The following THRB variants were observed in gnomAD, a reference collection of about 807,000 sequenced individuals.
THRB encodes nuclear receptor subfamily 1 group A member 2.
A neutral mutation model predicts 47.8 loss-of-function variants in THRB; 12 were observed. That is an observed-to-expected ratio of 0.25 (90% CI 0.16 to 0.41). The LOEUF is 0.41. THRB is among the 10% of genes least tolerant of loss of function. THRB has a pLI of 1.00. For synonymous variants in THRB, 218 were observed against 212.2 expected (o/e 1.03, Z -0.24); for missense variants, 348 against 589.2 (o/e 0.59, Z 4.24).
intron 3 of THRB, among the ~76,000 whole-genome samples, chr3:24,235,270 T>C (rs1338655680): frequency 1.3e-5 from 2 of 152,180 alleles, no homozygotes; most frequent in African/African-American, 4.8e-5. Context: ...CACACACCTT[T>C]GTCCCCTTGT....
At chr3:24,157,808 G>A (rs1031428019) in intron 5 of THRB, among the ~76,000 whole-genome samples, 10 of 152,304 alleles carry the variant, frequency 6.6e-5, no homozygotes, top group Non-Finnish European at 1.0e-4. Flanking sequence ...TGGGACTACA[G>A]GCATGAGCCA....
At chr3:24,428,343 A>G (rs1560162541) in intron 1 of THRB, among the ~76,000 whole-genome samples, 1 of 151,978 alleles carries the variant, frequency 6.6e-6, no homozygotes, top group Non-Finnish European at 1.5e-5. Context: ...CATCCTACAG[A>G]GATTGGCTAA....
intron 1 of THRB, among the ~76,000 whole-genome samples, chr3:24,463,413 C>T (rs1042277462): frequency 4.3e-4 from 65 of 152,130 alleles, no homozygotes; most frequent in South Asian, 2.1e-3. Context: ...GGCACATGTG[C>T]GGCTAATTTT....
At chr3:24,405,270 C>T (rs1458294812) in intron 1 of THRB, among the ~76,000 whole-genome samples, 1 of 151,950 alleles carries the variant, frequency 6.6e-6, no homozygotes, top group Non-Finnish European at 1.5e-5. Context: ...ACGCTATATT[C>T]TGTGGGCCAA....
At chr3:24,251,278 A>G (rs1179989920) in intron 3 of THRB, among the ~76,000 whole-genome samples, 1 of 152,130 alleles carries the variant, frequency 6.6e-6, no homozygotes, top group Non-Finnish European at 1.5e-5. Flanking sequence ...TGAGTTAAGC[A>G]TTTGTAGAAA....
chr3:24,184,053 C>A (rs889829629), intron 5 of THRB, among the ~76,000 whole-genome samples: 3 of 152,072 alleles, frequency 2.0e-5, no homozygotes, highest in African/African-American at 7.2e-5. Context: ...TTTTTCTGTG[C>A]ACATTTGTAA....
chr3:24,225,104 G>GAA (rs1559656087), intron 4 of THRB, among the ~76,000 whole-genome samples: 1 of 152,184 alleles, frequency 6.6e-6, no homozygotes, highest in Non-Finnish European at 1.5e-5. Flanking sequence ...GCAGAAATGC[G>GAA]AGTGGTGAAT....
intron 1 of THRB, among the ~76,000 whole-genome samples, chr3:24,370,623 C>T (rs561937944): frequency 6.6e-6 from 1 of 152,242 alleles, no homozygotes; most frequent in Non-Finnish European, 1.5e-5. Context: ...GTGACCCTCA[C>T]TAGTCTGGGG....
chr3:24,224,144 C>T (rs188959056), intron 4 of THRB, among the ~76,000 whole-genome samples: 14 of 152,092 alleles, frequency 9.2e-5, no homozygotes, highest in Admixed American at 2.0e-4. Flanking sequence ...TCCCTTTGAC[C>T]CATCATTTCC....
chr3:24,174,767 T>C (rs909176485), intron 5 of THRB, among the ~76,000 whole-genome samples: 1 of 152,178 alleles, frequency 6.6e-6, no homozygotes, highest in African/African-American at 2.4e-5. Flanking sequence ...CACTTTCCTA[T>C]AGATTATATC....
At position 24,210,402 on chromosome 3, in the gene THRB, A is replaced by G. The variant is rs1575915939; in HGVS notation, c.22+18536T>C. On this transcript the variant is annotated intron_variant, in intron 4 of 10. Coordinates refer to ENST00000646209, the MANE Select transcript of THRB (RefSeq NM_001354712.2). ...TGGTGGATCTCACCCAGGTTGGTTT[A>G]TTTGTTTGTTTTTTTTTTTTGCTTC... 4.7e-5 allele frequency among the ~76,000 whole-genome samples: 7 copies of G among 148,474 alleles called. No homozygotes were observed. In the South Asian group the frequency reaches 1.3e-3, roughly 28 times the overall value.
chr3:24,489,725 G>C (rs1697852989), intron 1 of THRB, among the ~76,000 whole-genome samples: 1 of 152,158 alleles, frequency 6.6e-6, no homozygotes, highest in Admixed American at 6.5e-5. Flanking sequence ...AACAACATTA[G>C]CATTGAGCAT....
At chr3:24,138,201 C>T (rs745311984) in intron 8 of THRB, among the ~76,000 whole-genome samples, 12 of 152,118 alleles carry the variant, frequency 7.9e-5, no homozygotes, top group Non-Finnish European at 1.5e-4. Flanking sequence ...GAAAAGGTAA[C>T]TCTCTGACAC....
chr3:24,421,734 C>A (rs1426082704), intron 1 of THRB, among the ~76,000 whole-genome samples: 1 of 151,822 alleles, frequency 6.6e-6, no homozygotes, highest in African/African-American at 2.4e-5. Context: ...GCCTTTATTA[C>A]AACATAAAAT....
At chr3:24,476,540 T>C (rs1021786349) in intron 1 of THRB, among the ~76,000 whole-genome samples, 18 of 152,222 alleles carry the variant, frequency 1.2e-4, no homozygotes, top group Admixed American at 1.1e-3. Context: ...TGTAAATGAT[T>C]AAAATTCCAA....
chr3:24,250,376 C>T (rs369083033), intron 3 of THRB, among the ~76,000 whole-genome samples: 3 of 152,128 alleles, frequency 2.0e-5, no homozygotes, highest in Admixed American at 6.5e-5. Flanking sequence ...TATAACCATA[C>T]ATTATGCTCC....
intron 1 of THRB, chr3:24,430,011 GT>G (rs2070204000): frequency 6.6e-6 from 1 of 152,036 alleles, no homozygotes. Flanking sequence ...AACAGAACAT[GT>G]TTGTCCTCTT....
intron 3 of THRB, among the ~76,000 whole-genome samples, chr3:24,277,817 G>A (rs1488068824): frequency 1.3e-5 from 2 of 152,110 alleles, no homozygotes; most frequent in Non-Finnish European, 2.9e-5. Flanking sequence ...ATAAATATGA[G>A]GTATAAAGAA....
chr3:24,212,545 T>C (rs2046151159), intron 4 of THRB, among the ~76,000 whole-genome samples: 1 of 119,098 alleles, frequency 8.4e-6, no homozygotes, highest in African/African-American at 3.2e-5. Context: ...ACCATTGCAC[T>C]CCAGCCTGGG....
Sources: allele counts gnomAD v4.1 joint callset (sites outside exome capture counted in the v4.1 genomes callset), GRCh38; gene constraint gnomAD v4.1.1; transcripts MANE v1.5; gene names NCBI Gene and HGNC (gene_info 2026-07-23, HGNC 2026-07-21).